Variants in ZNG1C observed in about 807,000 individuals in gnomAD.
The protein encoded by ZNG1C is zinc-regulated GTPase metalloprotein activator 1C.
At chr9:68,268,601 A>T in the ZNG1C span, among the ~76,000 whole-genome samples, 2 of 152,144 alleles carry the variant, frequency 1.3e-5, no homozygotes, top group East Asian at 1.9e-4. Context: ...ATTTTTAAGA[A>T]CACTGGGATA....
the ZNG1C span, among the ~76,000 whole-genome samples, chr9:68,257,172 G>A: frequency 7.0e-6 from 1 of 142,904 alleles, no homozygotes; most frequent in African/African-American, 2.6e-5. Context: ...CGAGTAGCTG[G>A]GACTACAGGC....
At chr9:68,249,395 G>GT in the ZNG1C span, among the ~76,000 whole-genome samples, 6 of 100,160 alleles carry the variant, frequency 6.0e-5, no homozygotes, top group Admixed American at 1.1e-4. Flanking sequence ...TAAGTGCTGT[G>GT]TAAGTAGTTA....
chr9:68,294,783 C>T, the ZNG1C span, among the ~76,000 whole-genome samples: 3 of 150,774 alleles, frequency 2.0e-5, no homozygotes, highest in South Asian at 4.2e-4. Flanking sequence ...AAGAAGGAAT[C>T]CTCCCTAAAT....
chr9:68,249,204 T>C, the ZNG1C span, among the ~76,000 whole-genome samples: 40 of 151,734 alleles, frequency 2.6e-4, no homozygotes, highest in South Asian at 6.3e-4. Flanking sequence ...GACGTTCTAC[T>C]TCTAAGTACA....
At chr9:68,281,675 T>C in the ZNG1C span, among the ~76,000 whole-genome samples, 1 of 122,528 alleles carries the variant, frequency 8.2e-6, no homozygotes, top group Non-Finnish European at 1.7e-5. Flanking sequence ...TCCACCATTC[T>C]ACACTCTTTC....
chr9:68,287,680 T>C, the ZNG1C span, among the ~76,000 whole-genome samples: 1 of 152,254 alleles, frequency 6.6e-6, no homozygotes, highest in African/African-American at 2.4e-5. Context: ...GTCACTTTAC[T>C]ACTAAATAGG....
chr9:68,271,942 G>A, the ZNG1C span, among the ~76,000 whole-genome samples: 2 of 150,248 alleles, frequency 1.3e-5, no homozygotes, highest in African/African-American at 2.4e-5. Context: ...TTTTGTAAAC[G>A]TTTTTGAGTT....
the ZNG1C span, among the ~76,000 whole-genome samples, chr9:68,286,575 G>A: frequency 0.016 from 2,146 of 130,324 alleles, 3 homozygotes; most frequent in Non-Finnish European, 0.017. Context: ...CTGTACCTGC[G>A]TTTCTGTTAA....
the ZNG1C span, among the ~76,000 whole-genome samples, chr9:68,287,206 T>C: frequency 6.6e-6 from 1 of 151,806 alleles, no homozygotes; most frequent in Non-Finnish European, 1.5e-5. Flanking sequence ...AAAATCTTTA[T>C]TGCTTAGTAC....
the ZNG1C span, among the ~76,000 whole-genome samples, chr9:68,287,638 T>C: frequency 4.6e-4 from 70 of 152,272 alleles, no homozygotes; most frequent in Non-Finnish European, 8.8e-5. Flanking sequence ...TTGCCCTTGG[T>C]GTAGTGTATT....
the ZNG1C span, among the ~76,000 whole-genome samples, chr9:68,247,363 C>A: frequency 1.3e-3 from 196 of 150,428 alleles, no homozygotes; most frequent in African/African-American, 4.6e-3. Flanking sequence ...AGTAAGAGGC[C>A]TAAGGAGGAA....
chr9:68,268,336 C>T, the ZNG1C span, among the ~76,000 whole-genome samples: 1 of 152,140 alleles, frequency 6.6e-6, no homozygotes, highest in Non-Finnish European at 1.5e-5. Flanking sequence ...TTTTTGGTTC[C>T]ATACAAAGCC....
the ZNG1C span, chr9:68,257,023 T>TTTTGG: frequency 6.7e-6 from 1 of 148,528 alleles, no homozygotes; most frequent in African/African-American, 1.2e-4. Flanking sequence ...TTGGTTTTTT[T>TTTTGG]TTTTGTTTTT....
the ZNG1C span, among the ~76,000 whole-genome samples, chr9:68,290,331 G>A: frequency 1.3e-5 from 1 of 76,342 alleles, no homozygotes; most frequent in Non-Finnish European, 2.8e-5. Context: ...CGCTTTGACA[G>A]GCCAAGGTGG....
the ZNG1C span, chr9:68,243,163 T>G: frequency 5.5e-5 from 1 of 18,146 alleles, no homozygotes; most frequent in Non-Finnish European, 1.1e-4. Flanking sequence ...AAGGAATTTA[T>G]TTTTGGCGTT....
At chr9:68,247,397 A>G in the ZNG1C span, among the ~76,000 whole-genome samples, 1 of 151,068 alleles carries the variant, frequency 6.6e-6, no homozygotes, top group Non-Finnish European at 1.5e-5. Flanking sequence ...TCAGTTTAGG[A>G]TGTGTCTTTT....
At chr9:68,281,198 C>G in the ZNG1C span, among the ~76,000 whole-genome samples, 2 of 152,188 alleles carry the variant, frequency 1.3e-5, no homozygotes, top group East Asian at 1.9e-4. Context: ...CTTTGGCTCG[C>G]GGATGGAGCA....
chr9:68,294,428 AAG>A, the ZNG1C span, among the ~76,000 whole-genome samples: 1 of 59,324 alleles, frequency 1.7e-5, no homozygotes, highest in Admixed American at 2.3e-4. Context: ...TAGCCAAGAA[AAG>A]AGAGAAAATC....
chr9:68,298,754 A>G, the ZNG1C span: 2 of 794,018 alleles, frequency 2.5e-6, no homozygotes, highest in African/African-American at 2.9e-5. Flanking sequence ...TCAAAAAAAA[A>G]TCAATACACA....
Sources: allele counts gnomAD v4.1 joint callset (sites outside exome capture counted in the v4.1 genomes callset), GRCh38; gene constraint gnomAD v4.1.1; transcripts MANE v1.5; gene names NCBI Gene and HGNC (gene_info 2026-07-23, HGNC 2026-07-21).